GRB14: variants seen among roughly 807,000 people sequenced by gnomAD.
The protein encoded by GRB14 is growth factor receptor-bound protein 14.
Under a neutral mutation model 69.1 loss-of-function variants are expected in GRB14, and 38 were observed. That is an observed-to-expected ratio of 0.55 (90% CI 0.42 to 0.72). GRB14 has a LOEUF of 0.72. Ranked by LOEUF, GRB14 falls within the 30% of genes least tolerant of loss-of-function variation. The pLI, the probability that GRB14 is intolerant of heterozygous loss-of-function variation, is 0.00. For synonymous variants in GRB14, 247 were observed against 241.3 expected (o/e 1.02, Z -0.22); for missense variants, 666 against 666.1 (o/e 1.00, Z 0.00).
chr2:164,535,847 G>A (rs1688065799), intron 3 of GRB14, among the ~76,000 whole-genome samples: 1 of 152,160 alleles, frequency 6.6e-6, no homozygotes, highest in Non-Finnish European at 1.5e-5. Flanking sequence ...CAGCTTGATG[G>A]CTATAAAGCC....
intron 6 of GRB14, among the ~76,000 whole-genome samples, chr2:164,517,774 T>C (rs1156970329): frequency 6.6e-6 from 1 of 152,090 alleles, no homozygotes; most frequent in African/African-American, 2.4e-5. Flanking sequence ...CAAAGAGGGA[T>C]ATTATATAAT....
chr2:164,511,895 G>C (rs1318315101), intron 6 of GRB14, among the ~76,000 whole-genome samples: 2 of 152,096 alleles, frequency 1.3e-5, no homozygotes, highest in African/African-American at 4.8e-5. Flanking sequence ...GAGTCAGAGG[G>C]GAGTCCACTA....
Position 164,492,988 on chromosome 2 carries a change from T to C in GRB14, c.*48A>G, listed in dbSNP as rs748459397. 5.2e-6 allele frequency: 8 copies of C among 1,534,872 alleles called. No homozygotes were observed. The South Asian group carries it at 9.9e-5, about 19-fold the overall frequency. On this transcript the variant is annotated 3_prime_UTR_variant, in exon 14 of 14. Transcript: ENST00000263915. ...CTTATTTATGGTCTTTTATTATTTT[T>C]CTTGAGTCCTTTTCCTTCAATAGTT... is the stretch of plus-strand genomic sequence containing the variant.
At chr2:164,554,518 C>T (rs1688629282) in intron 2 of GRB14, among the ~76,000 whole-genome samples, 1 of 152,126 alleles carries the variant, frequency 6.6e-6, no homozygotes, top group African/African-American at 2.4e-5. Context: ...CTATAACAAC[C>T]CACCAGCATA....
At chr2:164,570,437 AAGGTCACTGTCTC>A (rs1689099714) in intron 2 of GRB14, among the ~76,000 whole-genome samples, 1 of 152,128 alleles carries the variant, frequency 6.6e-6, no homozygotes, top group Non-Finnish European at 1.5e-5. Context: ...TAAGACAGTT[AAGGTCACTGTCTC>A]ATAGTGGAAT....
chr2:164,579,572 TA>T (rs1373019706), intron 2 of GRB14, among the ~76,000 whole-genome samples: 2 of 151,490 alleles, frequency 1.3e-5, no homozygotes, highest in Non-Finnish European at 2.9e-5. Flanking sequence ...ACATCAAAAT[TA>T]ACCTGACCTG....
chr2:164,506,268 T>C (rs930174595), intron 8 of GRB14, among the ~76,000 whole-genome samples: 1 of 152,158 alleles, frequency 6.6e-6, no homozygotes, highest in African/African-American at 2.4e-5. Context: ...GCAGAATATT[T>C]GAAAAACAAG....
chr2:164,499,381 C>A (rs146847369), intron 9 of GRB14, among the ~76,000 whole-genome samples: 1 of 152,160 alleles, frequency 6.6e-6, no homozygotes, highest in East Asian at 1.9e-4. Context: ...AGGACTATAG[C>A]AAATGTCTTC....
At chr2:164,600,692 G>A (rs2105351977) in intron 2 of GRB14, among the ~76,000 whole-genome samples, 1 of 152,190 alleles carries the variant, frequency 6.6e-6, no homozygotes, top group East Asian at 1.9e-4. Context: ...CCATCCTAAA[G>A]CATTACATGT....
intron 2 of GRB14, among the ~76,000 whole-genome samples, chr2:164,591,232 G>C (rs751209580): frequency 1.3e-5 from 2 of 152,164 alleles, no homozygotes; most frequent in Non-Finnish European, 2.9e-5. Flanking sequence ...GATTAGACTA[G>C]CTTTTGTTTC....
At chr2:164,569,460 T>C (rs1689072303) in intron 2 of GRB14, among the ~76,000 whole-genome samples, 1 of 152,192 alleles carries the variant, frequency 6.6e-6, no homozygotes, top group Non-Finnish European at 1.5e-5. Flanking sequence ...ACTGAACTGC[T>C]CAATGCTCTT....
rs200456570 is a variant in GRB14 at position 164,508,470 on chromosome 2, C to T, written c.1008G>A (p.Ala336=). ...GCGAGATTACCTTAAGCAATCTAAT[C>T]GCGGTCACCCAGCACGTCCTACTCT... The part of the protein sequence containing the change: ...EEQSRTCWVT[A]IRLLKYGMQL... The change falls in exon 8 of 14, where the codon GCG becomes GCA. Residue 336 remains alanine (A), a synonymous_variant. Coordinates refer to ENST00000263915, the MANE Select transcript of GRB14 (RefSeq NM_004490.3). 3.2e-5 allele frequency: 51 copies of T among 1,613,876 alleles called. No homozygotes were observed. In the East Asian group the frequency reaches 6.7e-4, roughly 21 times the overall value.
intron 3 of GRB14, among the ~76,000 whole-genome samples, 193 bp from the exon 4 acceptor site, chr2:164,527,328 A>G (rs898206057): frequency 6.6e-6 from 1 of 151,018 alleles, no homozygotes; most frequent in Non-Finnish European, 1.5e-5. Flanking sequence ...TTTGTCATCA[A>G]TTTTCAATTA....
intron 2 of GRB14, among the ~76,000 whole-genome samples, chr2:164,587,336 T>A (rs560926874): frequency 2.6e-5 from 4 of 152,292 alleles, no homozygotes; most frequent in Admixed American, 2.6e-4. Flanking sequence ...ACAGAGCCCC[T>A]CAGTAATCAA....
rs144864679 is a variant in GRB14, at chr2:164,561,818, T to C, written c.325-14002A>G. Among the ~76,000 whole-genome samples the C allele has an allele frequency of 2.0e-5, 3 of 152,326 alleles. No homozygotes were observed. The East Asian group carries it at 5.8e-4, about 29-fold the overall frequency. ...TGTGTAATCAATGCTGAACATGTTG[T>C]AGCTGCTATTTTTTATTGTTCTTTG... On this transcript the variant is annotated intron_variant, in intron 2 of 13. Transcript: ENST00000263915.
chr2:164,508,352 A>G (rs555723675), intron 8 of GRB14, 103 bp downstream of exon 8: 1 of 835,618 alleles, frequency 1.2e-6, no homozygotes, highest in African/African-American at 1.7e-5. Flanking sequence ...CTTCTTTCTC[A>G]TGTAGCCACC....
chr2:164,579,459 AC>A (rs1400334268), intron 2 of GRB14, among the ~76,000 whole-genome samples: 2 of 151,886 alleles, frequency 1.3e-5, no homozygotes, highest in Non-Finnish European at 2.9e-5. Flanking sequence ...CAAGGTGGGA[AC>A]CTACCCTGGC....
intron 2 of GRB14, among the ~76,000 whole-genome samples, chr2:164,554,099 A>G (rs1459027205): frequency 6.6e-6 from 1 of 152,134 alleles, no homozygotes; most frequent in Non-Finnish European, 1.5e-5. Context: ...AAACTGCATG[A>G]CTATATGGGT....
chr2:164,595,656 A>T (rs181855712), intron 2 of GRB14, among the ~76,000 whole-genome samples: 4 of 152,196 alleles, frequency 2.6e-5, no homozygotes, highest in Non-Finnish European at 5.9e-5. Flanking sequence ...AATGTCATTA[A>T]GATGTCCCTC....
Sources: gnomAD v4.1 joint callset for allele counts (sites outside exome capture counted in the v4.1 genomes callset) on GRCh38, gnomAD v4.1.1 for gene constraint, MANE v1.5 for transcripts, NCBI Gene and HGNC (gene_info 2026-07-23, HGNC 2026-07-21) for gene names.